Variants in CHD2 observed in about 807,000 individuals in gnomAD.
The protein encoded by CHD2 is chromodomain helicase DNA binding protein 2, also known as ATP-dependent chromatin remodeler CHD2.
In CHD2, 28 loss-of-function variants were observed where a neutral mutation model predicts 243.9. That is an observed-to-expected ratio of 0.11 (90% CI 0.09 to 0.16). The LOEUF (loss-of-function observed/expected upper bound fraction) is 0.16. CHD2 is among the 10% of genes least tolerant of loss of function. The pLI is 1.00. For synonymous variants in CHD2, 775 were observed against 779.0 expected (o/e 0.99, Z 0.09); for missense variants, 1,386 against 2,209.8 (o/e 0.63, Z 7.47).
chr15:92,952,877 C>CT (rs2053571515), intron 13 of CHD2, among the ~76,000 whole-genome samples: 1 of 152,190 alleles, frequency 6.6e-6, no homozygotes, highest in Non-Finnish European at 1.5e-5. Context: ...AAAACAAGCC[C>CT]CATGCACCTA....
At chr15:93,015,065 A>T (rs2054441295) in intron 37 of CHD2, among the ~76,000 whole-genome samples, 156 bp downstream of exon 37, 1 of 152,168 alleles carries the variant, frequency 6.6e-6, no homozygotes, top group South Asian at 2.1e-4. Context: ...AGCATGAAAT[A>T]AAGATCCCCC....
Position 93,010,009 on chromosome 15 carries a change from T to C in CHD2, c.4592+686T>C, listed in dbSNP as rs182523647. On this transcript the variant is annotated intron_variant, in intron 35 of 38. Coordinates refer to ENST00000394196, the MANE Select transcript of CHD2 (RefSeq NM_001271.4). ...AGCAGTGCACACTGCACCCAGTGTG[T>C]CATCTTCTATCCCTCAGCCCCCTTC... is the stretch of plus-strand genomic sequence containing the variant. 1.1e-4 allele frequency among the ~76,000 whole-genome samples: 16 copies of C among 152,334 alleles called. No individual in the cohort carries two copies. The East Asian group carries it at 3.1e-3, about 29-fold the overall frequency.
chr15:92,975,212 G>A (rs572138073), intron 20 of CHD2, among the ~76,000 whole-genome samples: 10 of 152,296 alleles, frequency 6.6e-5, no homozygotes, highest in Admixed American at 4.6e-4. Context: ...ATCCTTGGGC[G>A]TGGAAGAGCA....
intron 38 of CHD2, chr15:93,020,510 G>A (rs781108718): frequency 5.5e-5 from 33 of 601,202 alleles, no homozygotes; most frequent in East Asian, 2.8e-4. Context: ...TGAAGAGGTC[G>A]CCATAAAATA....
At chr15:92,916,698 C>T (rs1023771519) in intron 2 of CHD2, among the ~76,000 whole-genome samples, 9 of 152,248 alleles carry the variant, frequency 5.9e-5, no homozygotes, top group Middle Eastern at 3.4e-3. Context: ...GGACTACAGG[C>T]GCGTGCCACC....
At chr15:93,002,793 A>G (rs1031199327) in intron 33 of CHD2, among the ~76,000 whole-genome samples, 3 of 152,230 alleles carry the variant, frequency 2.0e-5, no homozygotes, top group Non-Finnish European at 2.9e-5. Flanking sequence ...TTCTAAACCA[A>G]AGAATTTGGT....
rs1214025402 is a variant in CHD2, at chr15:92,911,561, A to T, written c.62+10262A>T. On this transcript the variant is annotated intron_variant, in intron 2 of 38. Coordinates refer to ENST00000394196, the MANE Select transcript of CHD2 (RefSeq NM_001271.4). ...GAGACCAGCCTGGCCAACATGGTGA[A>T]ACCCTGTGTCTACTAAAAATACAAA... Among the ~76,000 whole-genome samples the T allele has an allele frequency of 2.0e-5, 3 of 152,240 alleles. No homozygotes were observed. The East Asian group carries it at 5.8e-4, about 29-fold the overall frequency.
At chr15:93,023,679 G>T (rs28465328) in intron 38 of CHD2, among the ~76,000 whole-genome samples, 19 of 143,466 alleles carry the variant, frequency 1.3e-4, no homozygotes, top group South Asian at 1.1e-3. Context: ...TTTTTTTTTT[G>T]TGTTTTTTTT....
chr15:92,957,561 A>G (rs1189798826), intron 16 of CHD2, among the ~76,000 whole-genome samples: 1 of 152,026 alleles, frequency 6.6e-6, no homozygotes, highest in African/African-American at 2.4e-5. Context: ...TGCTTGATTC[A>G]TTGCTGGTTC....
At chr15:92,932,786 C>G (rs1465189631) in intron 5 of CHD2, among the ~76,000 whole-genome samples, 3 of 152,016 alleles carry the variant, frequency 2.0e-5, no homozygotes, top group Non-Finnish European at 4.4e-5. Flanking sequence ...GGGATGGACT[C>G]TCGCTCTGTC....
intron 16 of CHD2, among the ~76,000 whole-genome samples, chr15:92,962,848 C>G (rs574951419): frequency 3.9e-5 from 6 of 152,106 alleles, no homozygotes; most frequent in Non-Finnish European, 8.8e-5. Flanking sequence ...TTTGTATGTT[C>G]CTGAGGTATT....
chr15:92,901,984 G>T, intron 2 of CHD2: 1 of 382,320 alleles, frequency 2.6e-6, no homozygotes, highest in Admixed American at 4.5e-5. Flanking sequence ...AGAAATCCTG[G>T]AATACTCTTA....
At position 92,939,666 on chromosome 15, in the gene CHD2, G is replaced by C; in HGVS notation, c.640G>C (p.Asp214His). Residue 214 changes from aspartate (D) to histidine (H), a missense_variant, in exon 7 of 39, where the codon GAT (aspartate) becomes CAT (histidine). By Grantham distance (81) the Asp-to-His change is moderately conservative. Coordinates refer to ENST00000394196, the MANE Select transcript of CHD2 (RefSeq NM_001271.4). ...AGATTCTTCTGATGAGGATGATGAT[G>C]ATGACGAAGCTCCCAAAAGGCAGAC... Reference protein sequence around the residue: ...KQDSSDEDDDDDEAPKRQTRR... With the variant: ...KQDSSDEDDDHDEAPKRQTRR... The C allele has an allele frequency of 1.2e-6, 2 of 1,614,096 alleles. No homozygotes were observed. The highest frequency in any genetic ancestry group is 1.1e-5 in the South Asian group (1 of 91,078).
intron 2 of CHD2, among the ~76,000 whole-genome samples, chr15:92,908,748 G>A (rs2052670057): frequency 6.6e-6 from 1 of 152,172 alleles, no homozygotes; most frequent in African/African-American, 2.4e-5. Context: ...GATGCTGACG[G>A]GGAATTGTAG....
At chr15:93,010,709 C>A (rs950378231) in intron 35 of CHD2, among the ~76,000 whole-genome samples, 1 of 152,228 alleles carries the variant, frequency 6.6e-6, no homozygotes, top group Admixed American at 6.5e-5. Flanking sequence ...CAGGCATGAG[C>A]CACTGCGCCC....
chr15:92,936,077 G>A (rs2053262523), intron 5 of CHD2, among the ~76,000 whole-genome samples: 1 of 152,108 alleles, frequency 6.6e-6, no homozygotes, highest in Non-Finnish European at 1.5e-5. Flanking sequence ...GCTAGTAGAA[G>A]TTGAATAATA....
chr15:92,936,939 A>T (rs2053277083), intron 5 of CHD2, among the ~76,000 whole-genome samples: 1 of 151,870 alleles, frequency 6.6e-6, no homozygotes, highest in African/African-American at 2.4e-5. Context: ...GCAACCTCAA[A>T]CTCCTGGGTT....
In CHD2 at chr15:93,003,670, CT is replaced by C. The variant is rs1221884371; in HGVS notation, c.4279-946del. On this transcript the variant is annotated intron_variant, in intron 33 of 38. Coordinates refer to ENST00000394196, the MANE Select transcript of CHD2 (RefSeq NM_001271.4). Reference sequence around the variant, plus strand: ...TGACTGATACTGTTGAAGCTGCCCCCTGTTCCCTTTCCCTGATTTTATTACT... The same window carrying C: ...TGACTGATACTGTTGAAGCTGCCCCCGTTCCCTTTCCCTGATTTTATTACT... Among the ~76,000 whole-genome samples the C allele has an allele frequency of 8.6e-5, 13 of 152,002 alleles. No homozygotes were observed. In the South Asian group the frequency reaches 2.1e-3, roughly 24 times the overall value.
chr15:93,023,478 T>A (rs1302915400), intron 38 of CHD2, among the ~76,000 whole-genome samples: 1 of 152,216 alleles, frequency 6.6e-6, no homozygotes, highest in African/African-American at 2.4e-5. Flanking sequence ...CAGTGAAGAT[T>A]GGTGTACAGG....
Sources: allele counts gnomAD v4.1 joint callset (sites outside exome capture counted in the v4.1 genomes callset), GRCh38; gene constraint gnomAD v4.1.1; transcripts MANE v1.5; gene names NCBI Gene and HGNC (gene_info 2026-07-23, HGNC 2026-07-21).